COL25A1: variants seen among roughly 807,000 people sequenced by gnomAD.
COL25A1 encodes the protein collagen type XXV alpha 1 chain.
In COL25A1, 103 loss-of-function variants were observed where a neutral mutation model predicts 128.4. That is an observed-to-expected ratio of 0.80 (90% confidence interval 0.68 to 0.94). COL25A1 has a LOEUF of 0.94. Ranked by LOEUF, COL25A1 falls within the 40% of genes least tolerant of loss-of-function variation. COL25A1 has a pLI of 0.00. For synonymous variants in COL25A1, 279 were observed against 277.2 expected, an observed-to-expected ratio of 1.01 and a Z score of -0.06; for missense variants, 745 against 840.0, an observed-to-expected ratio of 0.89 and a Z score of 1.40.
intron 32 of COL25A1, among the ~76,000 whole-genome samples, chr4:108,827,456 G>A (rs1323447166): frequency 6.6e-6 from 1 of 152,166 alleles, no homozygotes; most frequent in East Asian, 1.9e-4. Flanking sequence ...TCATACTTAG[G>A]TTTCTTTGGC....
chr4:109,065,546 GTGTGT>G (rs1762370481), intron 3 of COL25A1, among the ~76,000 whole-genome samples: 1 of 42,244 alleles, frequency 2.4e-5, no homozygotes, highest in African/African-American at 9.1e-5. Flanking sequence ...GCGCGCGCGC[GTGTGT>G]GTGTGTGTGT....
chr4:109,248,721 G>A (rs574710688), intron 3 of COL25A1, among the ~76,000 whole-genome samples: 95 of 152,142 alleles, frequency 6.2e-4, no homozygotes, highest in African/African-American at 1.8e-3. Flanking sequence ...CCAGCTCTCC[G>A]GTGAACAGCT....
Position 109,165,916 on chromosome 4 carries a change from T to A in COL25A1, c.368-115737A>T, listed in dbSNP as rs180851475. Among the ~76,000 whole-genome samples, 8 of 152,340 alleles carry A rather than the reference T, an allele frequency of 5.3e-5. No homozygotes were observed. In the East Asian group the frequency reaches 1.5e-3, roughly 29 times the overall value. On this transcript the variant is annotated intron_variant, in intron 3 of 37. Transcript: ENST00000399132. ...TGTTCAATATAAATGTTTATTGAGC[T>A]GAAATATCTTTAGTATCAAAAACAT...
chr4:109,298,787 T>C (rs898922074), intron 3 of COL25A1, among the ~76,000 whole-genome samples: 1 of 152,134 alleles, frequency 6.6e-6, no homozygotes, highest in Non-Finnish European at 1.5e-5. Context: ...CCTTCAAATG[T>C]TTACCTTGGA....
intron 19 of COL25A1, among the ~76,000 whole-genome samples, chr4:108,882,372 C>T (rs905048562): frequency 1.2e-4 from 18 of 151,634 alleles, no homozygotes; most frequent in African/African-American, 3.9e-4. Flanking sequence ...TTTCAAAGCA[C>T]GGAGGTTCCT....
At chr4:109,168,564 ATAT>A (rs1773286211) in intron 3 of COL25A1, among the ~76,000 whole-genome samples, 1 of 152,176 alleles carries the variant, frequency 6.6e-6, no homozygotes, top group South Asian at 2.1e-4. Flanking sequence ...TCACAAATTT[ATAT>A]TATTTATACT....
chr4:109,076,263 A>AT lies in COL25A1; in HGVS notation c.368-26085dup, dbSNP rs559604584. Among the ~76,000 whole-genome samples, 4 of 152,252 alleles carry AT rather than the reference A, an allele frequency of 2.6e-5. No individual in the cohort carries two copies. In the East Asian group the frequency reaches 7.7e-4, roughly 29 times the overall value. ...AATTCTGAAGGGTCATATGAATATGATTTTTTAGGTGTTTTAAACTATATC... is the reference window on the plus strand; with the variant it reads ...AATTCTGAAGGGTCATATGAATATGATTTTTTTAGGTGTTTTAAACTATATC... On this transcript the variant is annotated intron_variant, in intron 3 of 37. Transcript: ENST00000399132.
intron 3 of COL25A1, among the ~76,000 whole-genome samples, chr4:109,269,377 A>C (rs1322115652): frequency 6.9e-6 from 1 of 145,972 alleles, no homozygotes; most frequent in Non-Finnish European, 1.5e-5. Flanking sequence ...ATTGTGAATA[A>C]TGCCGCAATA....
intron 3 of COL25A1, among the ~76,000 whole-genome samples, chr4:109,156,370 T>G (rs1772038017): frequency 6.6e-6 from 1 of 152,210 alleles, no homozygotes; most frequent in African/African-American, 2.4e-5. Flanking sequence ...AGCCTGCTGG[T>G]GTACTTTGTG....
At chr4:108,831,918 A>G (rs1733169446) in intron 32 of COL25A1, among the ~76,000 whole-genome samples, 1 of 152,210 alleles carries the variant, frequency 6.6e-6, no homozygotes, top group African/African-American at 2.4e-5. Context: ...GCTTTAAAAA[A>G]GGGGGAGCAT....
At chr4:109,125,967 A>G (rs1422777212) in intron 3 of COL25A1, among the ~76,000 whole-genome samples, 1 of 152,062 alleles carries the variant, frequency 6.6e-6, no homozygotes, top group Non-Finnish European at 1.5e-5. Flanking sequence ...AGGTGGGAAG[A>G]GATATACATA....
intron 14 of COL25A1, among the ~76,000 whole-genome samples, chr4:108,900,081 C>T (rs979352766): frequency 1.3e-5 from 2 of 152,070 alleles, no homozygotes; most frequent in Non-Finnish European, 2.9e-5. Context: ...CTGCAGAAGT[C>T]AGTTTGGAAG....
intron 5 of COL25A1, among the ~76,000 whole-genome samples, chr4:109,046,169 T>C (rs1353644299): frequency 1.3e-5 from 2 of 152,182 alleles, no homozygotes; most frequent in Non-Finnish European, 2.9e-5. Context: ...ACAATAGGAA[T>C]GGTAACATCA....
chr4:109,291,994 A>G (rs1270744151), intron 3 of COL25A1, among the ~76,000 whole-genome samples: 1 of 152,106 alleles, frequency 6.6e-6, no homozygotes, highest in East Asian at 1.9e-4. Flanking sequence ...ACCATCATCT[A>G]GTCATGCTTA....
At chr4:109,249,939 T>A (rs540922968) in intron 3 of COL25A1, among the ~76,000 whole-genome samples, 1 of 152,276 alleles carries the variant, frequency 6.6e-6, no homozygotes, top group Non-Finnish European at 1.5e-5. Flanking sequence ...AATCTTAACA[T>A]GTGGAGGATA....
At chr4:108,893,041 A>G (rs1284991710) in intron 16 of COL25A1, among the ~76,000 whole-genome samples, 1 of 152,216 alleles carries the variant, frequency 6.6e-6, no homozygotes, top group Non-Finnish European at 1.5e-5. Flanking sequence ...AAAAGAAGAC[A>G]GTTTGGTTGG....
At chr4:109,244,688 C>T (rs1012069983) in intron 3 of COL25A1, among the ~76,000 whole-genome samples, 2 of 152,120 alleles carry the variant, frequency 1.3e-5, no homozygotes, top group African/African-American at 2.4e-5. Flanking sequence ...AACAGCAGAA[C>T]TTGCACTGCA....
At chr4:109,117,107 A>T (rs1767661617) in intron 3 of COL25A1, among the ~76,000 whole-genome samples, 1 of 152,046 alleles carries the variant, frequency 6.6e-6, no homozygotes, top group Non-Finnish European at 1.5e-5. Flanking sequence ...AACAATGATG[A>T]CTGAGAATTT....
chr4:109,210,338 CTCT>C (rs1273734218), intron 3 of COL25A1, among the ~76,000 whole-genome samples: 3 of 152,134 alleles, frequency 2.0e-5, no homozygotes, highest in African/African-American at 7.2e-5. Flanking sequence ...AATGTCTCTG[CTCT>C]TCTACTTAAA....
Sources: gnomAD v4.1 joint callset for allele counts (sites outside exome capture counted in the v4.1 genomes callset) on GRCh38, gnomAD v4.1.1 for gene constraint, MANE v1.5 for transcripts, NCBI Gene and HGNC (gene_info 2026-07-23, HGNC 2026-07-21) for gene names.